The following ECHDC1 variants were observed in gnomAD, a reference collection of about 807,000 sequenced individuals.
ECHDC1 encodes the protein ethylmalonyl-CoA decarboxylase 1.
In ECHDC1, 29 loss-of-function variants were observed where a neutral mutation model predicts 29.7. That is an observed-to-expected ratio of 0.98 (90% confidence interval 0.73 to 1.33). The LOEUF is 1.33. ECHDC1 is among the 40% of genes most tolerant of loss of function. ECHDC1 has a pLI of 0.00. For synonymous variants in ECHDC1, 126 were observed against 123.1 expected, an observed-to-expected ratio of 1.02 and a Z score of -0.15; for missense variants, 328 against 350.0, an observed-to-expected ratio of 0.94 and a Z score of 0.50.
chr6:127,290,404 GTT>G, intron 5 of ECHDC1, 127 bp from the exon 6 acceptor site: 1 of 966,398 alleles, frequency 1.0e-6, no homozygotes, highest in Non-Finnish European at 1.4e-6. Context: ...TAAAAACAAT[GTT>G]TGAAAAATAT....
chr6:127,325,079 C>T (rs887608657), intron 3 of ECHDC1, among the ~76,000 whole-genome samples: 1 of 152,142 alleles, frequency 6.6e-6, no homozygotes, highest in Non-Finnish European at 1.5e-5. Flanking sequence ...AGGTTAACAT[C>T]ATTAGTGATA....
chr6:127,304,339 G>A (rs1031885920), intron 5 of ECHDC1, among the ~76,000 whole-genome samples: 1 of 152,136 alleles, frequency 6.6e-6, no homozygotes, highest in Non-Finnish European at 1.5e-5. Flanking sequence ...AGAGCATTAC[G>A]GGGCTTCGGG....
At chr6:127,331,764 A>G in intron 1 of ECHDC1, 1 of 912,458 alleles carries the variant, frequency 1.1e-6, no homozygotes, top group Non-Finnish European at 1.3e-6. Flanking sequence ...AACAGCCTCT[A>G]TGCAGAAATG....
intron 3 of ECHDC1, among the ~76,000 whole-genome samples, chr6:127,321,309 A>T (rs190650644): frequency 1.4e-3 from 219 of 152,324 alleles, no homozygotes; most frequent in African/African-American, 5.1e-3. Flanking sequence ...ACTTAAAGCC[A>T]TGATAAGTTT....
chr6:127,340,889 A>G (rs2114720721), intron 1 of ECHDC1, among the ~76,000 whole-genome samples: 1 of 152,306 alleles, frequency 6.6e-6, no homozygotes, highest in South Asian at 2.1e-4. Context: ...TTCTGCTCTC[A>G]TTGTAAAGGG....
In ECHDC1 at chr6:127,331,118, C is replaced by A; in HGVS notation, c.-2-88G>T. On this transcript the variant is annotated intron_variant, in intron 1 of 5. Transcript: ENST00000454859. ...TGTGTTAATAGGCTGTAGTAATGGA[C>A]CCTTCTGTTGAGTTGGGAATACTTC... The A allele has an allele frequency of 8.3e-6, 8 of 966,824 alleles. 1 individual carries two copies. The South Asian group carries it at 1.2e-4, about 15-fold the overall frequency. The allele number at this position is 966,824 out of a possible 1,614,324, so 59.9% of individuals were successfully genotyped here.
intron 3 of ECHDC1, among the ~76,000 whole-genome samples, chr6:127,325,714 T>TC (rs1448689860): frequency 4.6e-5 from 7 of 150,896 alleles, no homozygotes; most frequent in Non-Finnish European, 5.9e-5. Flanking sequence ...TTTCACTATT[T>TC]TTTTGAGACA....
chr6:127,303,170 T>C (rs1781184041), intron 5 of ECHDC1, among the ~76,000 whole-genome samples: 2 of 152,176 alleles, frequency 1.3e-5, no homozygotes, highest in South Asian at 4.1e-4. Context: ...TTTCATAAGT[T>C]AGCATACTGA....
chr6:127,325,091 G>A (rs1335618130), intron 3 of ECHDC1, among the ~76,000 whole-genome samples: 1 of 152,182 alleles, frequency 6.6e-6, no homozygotes, highest in African/African-American at 2.4e-5. Context: ...TTAGTGATAA[G>A]TCACCTTGAC....
intron 5 of ECHDC1, among the ~76,000 whole-genome samples, chr6:127,292,149 C>T (rs1780246415): frequency 6.6e-6 from 1 of 151,956 alleles, no homozygotes; most frequent in South Asian, 2.1e-4. Flanking sequence ...AGAATTGGTT[C>T]AGAGCTGTGC....
intron 1 of ECHDC1, among the ~76,000 whole-genome samples, chr6:127,340,474 T>C (rs761415069): frequency 3.9e-5 from 6 of 152,146 alleles, no homozygotes; most frequent in Admixed American, 1.3e-4. Flanking sequence ...GAGCTCAGGG[T>C]TCCTTAGGAA....
At chr6:127,322,075 G>A (rs1782872965) in intron 3 of ECHDC1, among the ~76,000 whole-genome samples, 1 of 152,092 alleles carries the variant, frequency 6.6e-6, no homozygotes, top group Non-Finnish European at 1.5e-5. Flanking sequence ...GGAAGCCGAG[G>A]AGGGCAGATC....
At chr6:127,312,198 A>G (rs1782001233) in intron 5 of ECHDC1, among the ~76,000 whole-genome samples, 1 of 152,204 alleles carries the variant, frequency 6.6e-6, no homozygotes, top group Non-Finnish European at 1.5e-5. Flanking sequence ...TATCCCAAGG[A>G]ATTTTATACA....
In ECHDC1 at chr6:127,330,799, T is replaced by C. The variant is rs1330245240; in HGVS notation, c.220+10A>G. ...GTGTCATTCTTTAGGAATAAAAAGA[T>C]CCCTAATACCTGAAAAGGCATTCAT... On this transcript the variant is annotated intron_variant, in intron 2 of 5. Coordinates refer to ENST00000454859, the MANE Select transcript of ECHDC1 (RefSeq NM_001002030.2). 1 of 1,604,340 alleles carries C rather than the reference T, an allele frequency of 6.2e-7. No individual in the cohort carries two copies. Among genetic ancestry groups the C allele is most frequent in the Non-Finnish European group, 8.5e-7 (1 of 1,172,344 alleles).
chr6:127,316,436 G>T lies in ECHDC1; in HGVS notation c.416+14C>A. The T allele has an allele frequency of 6.3e-7, 1 of 1,593,406 alleles. No individual in the cohort carries two copies. The highest frequency in any genetic ancestry group is 1.4e-5 in the African/African-American group (1 of 74,000). Reference sequence around the variant, plus strand: ...TCTTTTAGAAATCATATTTTAAAAAGAAGGCTGCATTACCTCATAAATCTT... The same window carrying T: ...TCTTTTAGAAATCATATTTTAAAAATAAGGCTGCATTACCTCATAAATCTT... On this transcript the variant is annotated intron_variant, in intron 4 of 5. Transcript: ENST00000454859.
chr6:127,305,182 A>G (rs754617477), intron 5 of ECHDC1, among the ~76,000 whole-genome samples: 3 of 152,202 alleles, frequency 2.0e-5, no homozygotes, highest in African/African-American at 4.8e-5. Flanking sequence ...AAGCAGCAAG[A>G]GAAAAGAAAC....
rs370328458 is a variant in ECHDC1 at position 127,314,174 on chromosome 6, T to C, written c.497+642A>G. On this transcript the variant is annotated intron_variant, in intron 5 of 5. Coordinates refer to ENST00000454859, the MANE Select transcript of ECHDC1 (RefSeq NM_001002030.2). ...TTGTATTGGTCTCCTTATAGCTAGC[T>C]GTGTTAGTAGGCCTTGGGAATGGTA... Among the ~76,000 whole-genome samples, 69 of 152,366 alleles carry C rather than the reference T, an allele frequency of 4.5e-4. No individual in the cohort carries two copies. The East Asian group carries it at 8.3e-3, about 18-fold the overall frequency.
At chr6:127,335,056 A>G (rs750165785) in intron 1 of ECHDC1, among the ~76,000 whole-genome samples, 9 of 152,126 alleles carry the variant, frequency 5.9e-5, no homozygotes, top group Non-Finnish European at 1.3e-4. Flanking sequence ...AGCCAAAAGG[A>G]ATGCCACAAA....
At chr6:127,326,615 A>T in intron 3 of ECHDC1, 4 of 410,694 alleles carry the variant, frequency 9.7e-6, no homozygotes, top group Middle Eastern at 8.0e-4. Flanking sequence ...AATATTTTTT[A>T]AAAAAGAAAT....
Sources: gnomAD v4.1 joint callset for allele counts (sites outside exome capture counted in the v4.1 genomes callset) on GRCh38, gnomAD v4.1.1 for gene constraint, MANE v1.5 for transcripts, NCBI Gene and HGNC (gene_info 2026-07-23, HGNC 2026-07-21) for gene names.